STK32C: variants seen among roughly 807,000 people sequenced by gnomAD.
STK32C encodes the protein serine/threonine kinase 32C.
A neutral mutation model predicts 56.5 loss-of-function variants in STK32C; 31 were observed. The ratio of observed to expected loss-of-function variants is 0.55; its 90% confidence interval spans 0.41 to 0.74. STK32C has a LOEUF of 0.74. Among genes scored for constraint, STK32C ranks in the 30% least tolerant of loss-of-function variants. STK32C has a pLI of 0.00. For missense variants in STK32C, 544 were observed against 676.9 expected (o/e 0.80, Z 2.18); for synonymous variants, 309 against 289.4 (o/e 1.07, Z -0.69).
At chr10:132,234,171 C>A (rs945306851) in intron 2 of STK32C, among the ~76,000 whole-genome samples, 1 of 152,156 alleles carries the variant, frequency 6.6e-6, no homozygotes, top group Non-Finnish European at 1.5e-5. Context: ...CAGCTCTCCT[C>A]GCCCTGGGAT....
At chr10:132,276,320 C>T (rs1041862928) in intron 1 of STK32C, among the ~76,000 whole-genome samples, 1 of 152,226 alleles carries the variant, frequency 6.6e-6, no homozygotes, top group African/African-American at 2.4e-5. Flanking sequence ...CGTGATCCTA[C>T]AGACACCAGC....
At position 132,226,979 on chromosome 10, in the gene STK32C, C is replaced by T. The variant is rs772380964; in HGVS notation, c.471-11G>A. On this transcript the variant is annotated splice_polypyrimidine_tract_variant and intron_variant, in intron 3 of 11. Transcript: ENST00000298630. Reference sequence around the variant, plus strand: ...TCCTGGAAGGAGTACCTGTGGGCACCGATGGAAGGCCTGTTGTGCGCACAG... The same window carrying T: ...TCCTGGAAGGAGTACCTGTGGGCACTGATGGAAGGCCTGTTGTGCGCACAG... 9 of 1,612,698 alleles carry T rather than the reference C, an allele frequency of 5.6e-6. No individual in the cohort carries two copies. The highest frequency in any genetic ancestry group is 1.7e-5 in the Admixed American group (1 of 60,010).
intron 1 of STK32C, among the ~76,000 whole-genome samples, chr10:132,290,977 G>A (rs904119720): frequency 3.9e-5 from 6 of 152,174 alleles, no homozygotes; most frequent in Admixed American, 6.5e-5. Context: ...GTCTTCCACC[G>A]GCTTCCGCTG....
intron 2 of STK32C, among the ~76,000 whole-genome samples, chr10:132,244,631 A>T (rs1456213821): frequency 2.0e-5 from 3 of 152,032 alleles, no homozygotes; most frequent in Non-Finnish European, 4.4e-5. Flanking sequence ...CCCTCCTTGA[A>T]CCTGATTTCT....
chr10:132,261,431 G>A (rs1209230095), intron 1 of STK32C, among the ~76,000 whole-genome samples: 1 of 152,176 alleles, frequency 6.6e-6, no homozygotes, highest in South Asian at 2.1e-4. Context: ...TAACCAAGGA[G>A]ATGAAAGAGC....
upstream of STK32C, among the ~76,000 whole-genome samples, chr10:132,311,782 G>A (rs190592095): frequency 2.3e-3 from 350 of 152,198 alleles, 1 homozygote; most frequent in South Asian, 3.7e-3. The surrounding 1 kb of genome is among the most constrained non-coding windows in gnomAD (Gnocchi z 4.4). Context: ...TGGACTTAGG[G>A]CCCACCCTAC....
chr10:132,238,349 CG>C (rs1439338021), intron 2 of STK32C, among the ~76,000 whole-genome samples: 6 of 152,086 alleles, frequency 3.9e-5, no homozygotes, highest in Admixed American at 6.6e-5. Flanking sequence ...TGAGACCGTT[CG>C]TTATAGTTAC....
intron 1 of STK32C, among the ~76,000 whole-genome samples, chr10:132,262,214 A>G (rs966937567): frequency 6.6e-6 from 1 of 152,214 alleles, no homozygotes; most frequent in Admixed American, 6.5e-5. Context: ...CATTCAATAA[A>G]TGGTGCTGGG....
rs1312380830 is a variant in STK32C at position 132,307,886 on chromosome 10, A to G, written c.-53T>C. 2 of 1,132,794 alleles carry G rather than the reference A, an allele frequency of 1.8e-6. No homozygotes were observed. Among genetic ancestry groups the G allele is most frequent in the African/African-American group, 1.7e-5 (1 of 57,946 alleles). 70.2% of individuals were successfully genotyped at this position (1,132,794 alleles called of 1,614,324 possible). ...GGAACTCGGGGCATGGCCGGCCGGC[A>G]GGGCCGGGAGCGGCAGTGGTAGCGG... On this transcript the variant is annotated 5_prime_UTR_variant, in exon 1 of 12. Coordinates refer to ENST00000298630, the MANE Select transcript of STK32C (RefSeq NM_173575.4). This position sits in a 1 kb window ranked among gnomAD's most constrained non-coding sequence, Gnocchi z 4.4.
chr10:132,329,983 C>CT (rs1386045694), intron 1 of STK32C, among the ~76,000 whole-genome samples: 1 of 53,466 alleles, frequency 1.9e-5, no homozygotes, highest in Non-Finnish European at 4.3e-5. Context: ...GCAGTCGCTG[C>CT]CCGGAGGAAG....
intron 10 of STK32C, among the ~76,000 whole-genome samples, chr10:132,221,588 T>C (rs2814199): frequency 0.76 from 102,576 of 134,744 alleles, 39,334 homozygotes; most frequent in East Asian, 0.86. Flanking sequence ...CTGACACCGA[T>C]ACACCTGGGT....
chr10:132,282,584 G>A (rs1056213212), intron 1 of STK32C, among the ~76,000 whole-genome samples: 1 of 152,146 alleles, frequency 6.6e-6, no homozygotes, highest in African/African-American at 2.4e-5. Flanking sequence ...CACAGCCATG[G>A]CTTCACCAGG....
At chr10:132,231,377 C>T (rs535976910) in intron 2 of STK32C, among the ~76,000 whole-genome samples, 10 of 152,340 alleles carry the variant, frequency 6.6e-5, no homozygotes, top group African/African-American at 2.4e-4. Context: ...CAAGGGGAGG[C>T]AGGGTTACAC....
chr10:132,298,822 C>G (rs2065832758), intron 1 of STK32C, among the ~76,000 whole-genome samples: 1 of 152,166 alleles, frequency 6.6e-6, no homozygotes, highest in Admixed American at 6.5e-5. Flanking sequence ...TCGCTCCAGT[C>G]CCAGTCAAAC....
At chr10:132,294,527 A>G (rs1177336642) in intron 1 of STK32C, among the ~76,000 whole-genome samples, 2 of 152,194 alleles carry the variant, frequency 1.3e-5, no homozygotes, top group Admixed American at 6.5e-5. Context: ...CAGGAAATAA[A>G]GCATGTTGCT....
intron 1 of STK32C, among the ~76,000 whole-genome samples, chr10:132,271,769 T>C (rs902869523): frequency 6.6e-6 from 1 of 152,122 alleles, no homozygotes; most frequent in Admixed American, 6.5e-5. Context: ...ACCCCACACC[T>C]ACAGAACAAA....
In STK32C at chr10:132,224,538, G is replaced by A. The variant is rs1224403199; in HGVS notation, c.877-15C>T. On this transcript the variant is annotated splice_polypyrimidine_tract_variant and intron_variant, in intron 7 of 11. Transcript: ENST00000298630. ...TCATAGGGCCTCTGGAGACAGGGAG[G>A]CAGTGCTGGGCAGGTCCTCCTGGCC... 1.9e-6 allele frequency: 3 copies of A among 1,575,120 alleles called. No individual in the cohort carries two copies. Among genetic ancestry groups the A allele is most frequent in the Admixed American group, 3.6e-5 (2 of 56,302 alleles).
In STK32C at chr10:132,331,803, C is replaced by G. The variant is rs772691054; in HGVS notation, c.-67G>C. On this transcript the variant is annotated 5_prime_UTR_variant, in exon 1 of 2. Transcript: ENST00000368619. ...TCCAGACCCTCGCGGTCTCTACTTGCCCGTCGACCACCACCCCTTCAAGGC... is the reference window on the plus strand; with the variant it reads ...TCCAGACCCTCGCGGTCTCTACTTGGCCGTCGACCACCACCCCTTCAAGGC... The G allele has an allele frequency of 1.0e-5, 16 of 1,596,314 alleles. No homozygotes were observed. In the Admixed American group the frequency reaches 2.2e-4, roughly 22 times the overall value.
At chr10:132,260,794 G>A (rs2064277617) in intron 1 of STK32C, among the ~76,000 whole-genome samples, 1 of 152,230 alleles carries the variant, frequency 6.6e-6, no homozygotes, top group Non-Finnish European at 1.5e-5. Flanking sequence ...GGGCGAGACA[G>A]GGCCCAGTTA....
Sources: allele counts gnomAD v4.1 joint callset (sites outside exome capture counted in the v4.1 genomes callset), GRCh38; gene constraint gnomAD v4.1.1; non-coding constraint Gnocchi (gnomAD v3.1); transcripts MANE v1.5; gene names NCBI Gene and HGNC (gene_info 2026-07-23, HGNC 2026-07-21).